LRRC4C: variants seen among roughly 807,000 people sequenced by gnomAD.
The protein encoded by LRRC4C is leucine-rich repeat-containing protein 4C.
Under a neutral mutation model 33.6 loss-of-function variants are expected in LRRC4C, and 5 were observed. The observed-to-expected ratio is 0.15, with a 90% confidence interval of 0.08 to 0.31. The LOEUF (loss-of-function observed/expected upper bound fraction) is 0.31, where lower values mean the gene tolerates loss of function less well. LRRC4C is among the 10% of genes least tolerant of loss of function. The pLI, the probability that LRRC4C is intolerant of heterozygous loss-of-function variation, is 1.00. For missense variants in LRRC4C, 560 were observed against 796.7 expected (o/e 0.70, Z 3.58); for synonymous variants, 329 against 302.0 (o/e 1.09, Z -0.93).
chr11:40,721,096 T>C (rs1180853691), intron 2 of LRRC4C, among the ~76,000 whole-genome samples: 1 of 152,172 alleles, frequency 6.6e-6, no homozygotes, highest in Non-Finnish European at 1.5e-5. Context: ...ATTCAGAAAT[T>C]CATCCAAACA....
chr11:40,655,927 T>C (rs1029117044), intron 2 of LRRC4C, among the ~76,000 whole-genome samples: 6 of 152,044 alleles, frequency 3.9e-5, no homozygotes, highest in Admixed American at 1.3e-4. Flanking sequence ...GAGGAAGAGA[T>C]AGAGCGAAGA....
At chr11:41,180,025 C>G (rs564117840) in intron 1 of LRRC4C, among the ~76,000 whole-genome samples, 1 of 152,062 alleles carries the variant, frequency 6.6e-6, no homozygotes, top group Non-Finnish European at 1.5e-5. Context: ...CATGCAGGAC[C>G]TAGTAGAAGT....
intron 2 of LRRC4C, among the ~76,000 whole-genome samples, chr11:40,818,729 C>A (rs1565097547): frequency 1.3e-5 from 2 of 151,942 alleles, no homozygotes; most frequent in South Asian, 4.1e-4. Context: ...CCTTACATAT[C>A]ATCAGTTACC....
intron 1 of LRRC4C, among the ~76,000 whole-genome samples, chr11:41,179,328 G>T (rs1405338584): frequency 6.6e-6 from 1 of 152,082 alleles, no homozygotes; most frequent in African/African-American, 2.4e-5. Flanking sequence ...AGTTTACCAA[G>T]TTAGAAACTG....
At chr11:40,697,572 C>T (rs1448275334) in intron 2 of LRRC4C, among the ~76,000 whole-genome samples, 1 of 152,094 alleles carries the variant, frequency 6.6e-6, no homozygotes, top group East Asian at 1.9e-4. Context: ...GGATCTGATT[C>T]CCTGATTCCT....
chr11:41,163,658 C>T (rs1944585071), intron 1 of LRRC4C, among the ~76,000 whole-genome samples: 1 of 151,710 alleles, frequency 6.6e-6, no homozygotes, highest in Non-Finnish European at 1.5e-5. Flanking sequence ...GTTGCCCAGG[C>T]TGGAGTGCAA....
intron 5 of LRRC4C, among the ~76,000 whole-genome samples, chr11:40,236,430 A>AGAG: frequency 6.6e-6 from 1 of 152,286 alleles, no homozygotes; most frequent in Middle Eastern, 3.4e-3. Context: ...TGTTCTTCCA[A>AGAG]GAGCTTATGA....
chr11:40,779,544 T>G (rs974440136), intron 2 of LRRC4C, among the ~76,000 whole-genome samples: 3 of 152,258 alleles, frequency 2.0e-5, no homozygotes, highest in Non-Finnish European at 4.4e-5. Context: ...TTTCAAGTTC[T>G]TGTTTTTTAA....
chr11:40,884,756 T>A (rs1248232689), intron 2 of LRRC4C, among the ~76,000 whole-genome samples: 1 of 152,142 alleles, frequency 6.6e-6, no homozygotes, highest in African/African-American at 2.4e-5. Flanking sequence ...TCGCAATTTT[T>A]ATTTTCCTAA....
intron 1 of LRRC4C, among the ~76,000 whole-genome samples, chr11:40,981,346 G>C (rs952085763): frequency 6.6e-6 from 1 of 151,950 alleles, no homozygotes; most frequent in African/African-American, 2.4e-5. Context: ...CCCGGGAGGC[G>C]GAGCTTGCAG....
At chr11:40,705,346 T>A (rs1591511479) in intron 2 of LRRC4C, among the ~76,000 whole-genome samples, 1 of 151,842 alleles carries the variant, frequency 6.6e-6, no homozygotes, top group African/African-American at 2.4e-5. Context: ...CCCAACGCTA[T>A]CCCTCCCCCA....
chr11:40,827,162 C>A (rs1258202096), intron 2 of LRRC4C, among the ~76,000 whole-genome samples: 1 of 151,750 alleles, frequency 6.6e-6, no homozygotes, highest in Non-Finnish European at 1.5e-5. Flanking sequence ...ATAATGGCTA[C>A]TGAAATGTCA....
chr11:40,365,892 T>G (rs1948186591), intron 3 of LRRC4C, among the ~76,000 whole-genome samples: 1 of 152,074 alleles, frequency 6.6e-6, no homozygotes. Flanking sequence ...TATTTTTAAT[T>G]GGTATATGAG....
chr11:40,889,217 C>T (rs1447654814), intron 2 of LRRC4C, among the ~76,000 whole-genome samples: 1 of 151,980 alleles, frequency 6.6e-6, no homozygotes, highest in African/African-American at 2.4e-5. Context: ...CTATACAGTC[C>T]TTTAAAATAT....
intron 2 of LRRC4C, among the ~76,000 whole-genome samples, chr11:40,770,090 C>T (rs996806577): frequency 1.3e-5 from 2 of 152,132 alleles, no homozygotes; most frequent in Admixed American, 6.6e-5. Flanking sequence ...TGACAGAAAG[C>T]ATTTGCAAAC....
At chr11:40,448,645 A>C (rs1371037534) in intron 3 of LRRC4C, among the ~76,000 whole-genome samples, 2 of 152,178 alleles carry the variant, frequency 1.3e-5, no homozygotes, top group Non-Finnish European at 2.9e-5. Context: ...TATCCAGTTT[A>C]ACATTAATGG....
At chr11:40,520,589 G>T (rs1319362743) in intron 3 of LRRC4C, among the ~76,000 whole-genome samples, 4 of 152,036 alleles carry the variant, frequency 2.6e-5, no homozygotes, top group African/African-American at 9.7e-5. Context: ...TGGGTTTGTG[G>T]TACCCCCAAA....
At chr11:41,282,805 C>A (rs2136945388) in intron 1 of LRRC4C, among the ~76,000 whole-genome samples, 1 of 152,260 alleles carries the variant, frequency 6.6e-6, no homozygotes, top group East Asian at 1.9e-4. Flanking sequence ...TAGGAGCCAA[C>A]CACGCAGAAA....
chr11:40,401,100 T>A (rs1473205858), intron 3 of LRRC4C, among the ~76,000 whole-genome samples: 1 of 152,142 alleles, frequency 6.6e-6, no homozygotes, highest in East Asian at 1.9e-4. Flanking sequence ...GTCTGTACTG[T>A]CTTTTTAAAC....
Sources: gnomAD v4.1 joint callset for allele counts (sites outside exome capture counted in the v4.1 genomes callset) on GRCh38, gnomAD v4.1.1 for gene constraint, MANE v1.5 for transcripts, NCBI Gene and HGNC (gene_info 2026-07-23, HGNC 2026-07-21) for gene names.